Variants in SHANK2 observed in about 807,000 individuals in gnomAD.
The protein encoded by SHANK2 is SH3 and multiple ankyrin repeat domains protein 2.
In SHANK2, 43 loss-of-function variants were observed where a neutral mutation model predicts 133.7. The ratio of observed to expected loss-of-function variants is 0.32; its 90% confidence interval spans 0.25 to 0.41. The LOEUF (loss-of-function observed/expected upper bound fraction) is 0.41. Ranked by LOEUF, SHANK2 falls within the 10% of genes least tolerant of loss-of-function variation. SHANK2 has a pLI of 1.00. For missense variants in SHANK2, 1,994 were observed against 2,235.8 expected, an observed-to-expected ratio of 0.89 and a Z score of 2.18; for synonymous variants, 1,017 against 952.8, an observed-to-expected ratio of 1.07 and a Z score of -1.24.
intron 12 of SHANK2, among the ~76,000 whole-genome samples, chr11:70,813,017 C>A (rs1948311018): frequency 6.6e-6 from 1 of 152,094 alleles, no homozygotes; most frequent in African/African-American, 2.4e-5. Context: ...ATTCACCAGT[C>A]AGTTACACAT....
chr11:71,224,188 C>A (rs1332301594), intron 2 of SHANK2, among the ~76,000 whole-genome samples: 1 of 152,180 alleles, frequency 6.6e-6, no homozygotes, highest in Non-Finnish European at 1.5e-5. Flanking sequence ...GCAGACGGGG[C>A]CTTTAAGCAC....
intron 2 of SHANK2, among the ~76,000 whole-genome samples, chr11:71,179,892 C>T (rs1415222415): frequency 6.6e-6 from 1 of 152,154 alleles, no homozygotes; most frequent in Non-Finnish European, 1.5e-5. Flanking sequence ...GAAAGATTTA[C>T]ACACTGAAAA....
intron 11 of SHANK2, chr11:70,863,778 C>T (rs1239162962): frequency 6.6e-6 from 3 of 456,524 alleles, no homozygotes; most frequent in African/African-American, 6.0e-5. Context: ...GGTAGGTCCT[C>T]ATCCAACAGG....
intron 11 of SHANK2, among the ~76,000 whole-genome samples, chr11:70,854,936 G>A (rs1555066548): frequency 6.6e-6 from 1 of 152,106 alleles, no homozygotes; most frequent in East Asian, 1.9e-4. Flanking sequence ...TTTTGTTTTT[G>A]CAGAAATCCA....
intron 10 of SHANK2, among the ~76,000 whole-genome samples, chr11:70,921,974 A>G (rs1027472911): frequency 6.6e-6 from 1 of 152,262 alleles, no homozygotes; most frequent in Non-Finnish European, 1.5e-5. Context: ...TGGATGATCC[A>G]GATATTGGAG....
intron 10 of SHANK2, among the ~76,000 whole-genome samples, chr11:70,932,368 G>A (rs959649952): frequency 6.6e-6 from 1 of 152,188 alleles, no homozygotes; most frequent in African/African-American, 2.4e-5. Flanking sequence ...AAGGAATAAG[G>A]GGTCTTCAGA....
chr11:70,792,907 G>A (rs1028466235), intron 14 of SHANK2, among the ~76,000 whole-genome samples: 3 of 152,120 alleles, frequency 2.0e-5, no homozygotes, highest in African/African-American at 7.2e-5. Flanking sequence ...GCAACATAGT[G>A]AGAACTCGTC....
chr11:70,922,328 T>C (rs56005741), intron 10 of SHANK2, among the ~76,000 whole-genome samples: 2 of 111,586 alleles, frequency 1.8e-5, no homozygotes, highest in Non-Finnish European at 3.9e-5. Context: ...GAAGGAGAGA[T>C]GAAAAATAGA....
intron 11 of SHANK2, among the ~76,000 whole-genome samples, chr11:70,892,000 C>T (rs1555074794): frequency 6.6e-6 from 1 of 152,152 alleles, no homozygotes. Flanking sequence ...GTGGCCAGGA[C>T]CAGTTCTGAC....
chr11:71,208,384 G>A (rs965927767), intron 2 of SHANK2, among the ~76,000 whole-genome samples: 5 of 152,140 alleles, frequency 3.3e-5, no homozygotes, highest in African/African-American at 4.8e-5. Flanking sequence ...GGATGGACTG[G>A]GTGAGGCTAT....
chr11:70,919,391 T>C (rs375367000), intron 10 of SHANK2, among the ~76,000 whole-genome samples: 14 of 151,096 alleles, frequency 9.3e-5, no homozygotes, highest in African/African-American at 3.2e-4. Flanking sequence ...TTTTTAACTC[T>C]TTTTTTTTGA....
At chr11:70,607,719 G>C (rs755254714) in intron 17 of SHANK2, among the ~76,000 whole-genome samples, 1 of 152,174 alleles carries the variant, frequency 6.6e-6, no homozygotes, top group Non-Finnish European at 1.5e-5. Context: ...CCCAGGACAT[G>C]CCACCATCCT....
Position 71,180,584 on chromosome 11 carries a change from T to A in SHANK2, c.-12-33246A>T, listed in dbSNP as rs57365586. Among the ~76,000 whole-genome samples, 1,126 of 152,280 alleles carry A rather than the reference T, an allele frequency of 7.4e-3. 10 individuals are homozygous for A. Among genetic ancestry groups the A allele is most frequent in the African/African-American group, 0.026 (1,086 of 41,542 alleles). ...AAAACCCCACACACAAAGTTCAGTTTCTAATGAAAATACATACAGGCTTCT... is the reference window on the plus strand; with the variant it reads ...AAAACCCCACACACAAAGTTCAGTTACTAATGAAAATACATACAGGCTTCT... On this transcript the variant is annotated intron_variant, in intron 2 of 25. Transcript: ENST00000601538.
chr11:71,160,346 A>G (rs12276523), intron 2 of SHANK2, among the ~76,000 whole-genome samples: 9,753 of 152,138 alleles, frequency 0.064, 670 homozygotes, highest in African/African-American at 0.17. Flanking sequence ...CTAACCCCCA[A>G]TGTGATGGTA....
At chr11:70,577,690 C>T (rs1214139147) in intron 17 of SHANK2, among the ~76,000 whole-genome samples, 1 of 147,718 alleles carries the variant, frequency 6.8e-6, no homozygotes, top group Non-Finnish European at 1.5e-5. Context: ...GCACTGGACT[C>T]GTGGCTCCCT....
intron 17 of SHANK2, among the ~76,000 whole-genome samples, chr11:70,595,520 C>T (rs1197915725): frequency 3.9e-5 from 6 of 152,234 alleles, no homozygotes; most frequent in African/African-American, 1.4e-4. Context: ...AGACAACCCT[C>T]TGCGAAGGCG....
At chr11:70,802,463 A>G (rs1208655537) in intron 13 of SHANK2, among the ~76,000 whole-genome samples, 1 of 152,218 alleles carries the variant, frequency 6.6e-6, no homozygotes, top group Non-Finnish European at 1.5e-5. Context: ...GCCTGGGTAC[A>G]GAAACCTGCC....
chr11:70,605,108 G>GTGCT (rs2060557196), intron 17 of SHANK2, among the ~76,000 whole-genome samples: 1 of 152,266 alleles, frequency 6.6e-6, no homozygotes, highest in African/African-American at 2.4e-5. Context: ...AGAATCCTCA[G>GTGCT]TGAAGGGCAG....
chr11:70,670,938 C>T (rs893624073), intron 15 of SHANK2, among the ~76,000 whole-genome samples: 3 of 152,236 alleles, frequency 2.0e-5, no homozygotes, highest in African/African-American at 7.2e-5. Context: ...AGCCCGCACA[C>T]CCGTGCCCAG....
Sources: allele counts gnomAD v4.1 joint callset (sites outside exome capture counted in the v4.1 genomes callset), GRCh38; gene constraint gnomAD v4.1.1; transcripts MANE v1.5; gene names NCBI Gene and HGNC (gene_info 2026-07-23, HGNC 2026-07-21).